The following B4GALT3 variants were observed in gnomAD, a reference collection of about 807,000 sequenced individuals.
B4GALT3 encodes the protein N-acetyllactosamine synthase.
Under a neutral mutation model 40.7 loss-of-function variants are expected in B4GALT3, and 29 were observed. The observed-to-expected ratio is 0.71, with a 90% CI of 0.53 to 0.97. The LOEUF is 0.97. B4GALT3 is among the 50% of genes least tolerant of loss of function. The probability of loss-of-function intolerance (pLI) is 0.00; values close to 1 mark genes in which losing one functional copy is unlikely to be tolerated. For missense variants in B4GALT3, 390 were observed against 522.3 expected (o/e 0.75, Z 2.47); for synonymous variants, 182 against 203.9 (o/e 0.89, Z 0.92).
At position 161,175,172 on chromosome 1, in the gene B4GALT3, G is replaced by C; in HGVS notation, c.310C>G (p.Arg104Gly). ...PVPSLAEIVE[R>G]NPRVEPGGRY... ...CCCCCTGGTTCTACCCGGGGATTCCGCTCCACAATCTCTGCCAGTGATGGC... is the reference window on the plus strand; with the variant it reads ...CCCCCTGGTTCTACCCGGGGATTCCCCTCCACAATCTCTGCCAGTGATGGC... The change falls in exon 4 of 8, where the codon CGG becomes GGG. Residue 104 changes from arginine (R) to glycine (G), a missense_variant. Arg to Gly is a moderately radical substitution (Grantham distance 125, BLOSUM62 -2). Transcript: ENST00000319769. 6.2e-7 allele frequency: 1 copy of C among 1,613,646 alleles called. No homozygotes were observed. Among genetic ancestry groups the C allele is most frequent in the Non-Finnish European group, 8.5e-7 (1 of 1,179,866 alleles).
In B4GALT3 at chr1:161,171,556, G is replaced by A; in HGVS notation, c.*260C>T. The A allele has an allele frequency of 1.7e-6, 1 of 595,544 alleles. No individual in the cohort carries two copies. The highest frequency in any genetic ancestry group is 2.9e-5 in the East Asian group (1 of 34,472). The allele number at this position is 595,544 out of a possible 1,614,324, so 36.9% of individuals were successfully genotyped here. ...GCCCTGCTCCTACTCTAGGGGCAGGGACTCCTAGGAATCGTCACATAAAAT... is the reference window on the plus strand; with the variant it reads ...GCCCTGCTCCTACTCTAGGGGCAGGAACTCCTAGGAATCGTCACATAAAAT... On this transcript the variant is annotated 3_prime_UTR_variant, in exon 8 of 8. Coordinates refer to ENST00000319769, the MANE Select transcript of B4GALT3 (RefSeq NM_003779.4).
At position 161,171,766 on chromosome 1, in the gene B4GALT3, T is replaced by TACA. The variant is rs775163116; in HGVS notation, c.*47_*49dup. On this transcript the variant is annotated 3_prime_UTR_variant, in exon 8 of 8. Transcript: ENST00000319769. The stretch of plus-strand genomic sequence containing the variant: ...AGTGAGGAGCTGAGGGTGGGGAGAA[T>TACA]ACAACCCCATGAATTCGGTTTCATG... 2 of 1,599,696 alleles carry TACA rather than the reference T, an allele frequency of 1.3e-6. No individual in the cohort carries two copies. Among genetic ancestry groups the TACA allele is most frequent in the South Asian group, 2.2e-5 (2 of 90,022 alleles).
chr1:161,175,196 G>T lies in B4GALT3; in HGVS notation c.286C>A (p.Pro96Thr). The change falls in exon 4 of 8, where the codon CCA becomes ACA. Residue 96 changes from proline (P) to threonine (T), a missense_variant. This residue lies in a region of B4GALT3 where 183 missense variants were observed against 223.2 expected (regional missense o/e 0.82). Transcript: ENST00000319769. ...GPVSVSFSPV[P>T]SLAEIVERNP... The stretch of plus-strand genomic sequence containing the variant: ...CGCTCCACAATCTCTGCCAGTGATG[G>T]CACTGGGCTAAAGGACACCGACACA... 1 of 1,613,758 alleles carries T rather than the reference G, an allele frequency of 6.2e-7. No homozygotes were observed. Among genetic ancestry groups the T allele is most frequent in the South Asian group, 1.1e-5 (1 of 91,050 alleles).
intron 3 of B4GALT3, among the ~76,000 whole-genome samples, 196 bp downstream of exon 3, chr1:161,175,612 T>G (rs774681344): frequency 7.9e-5 from 12 of 151,862 alleles, no homozygotes; most frequent in Non-Finnish European, 1.8e-4. Context: ...AACCCAATAG[T>G]CTAATCTAAA....
rs928088501 is a variant in B4GALT3, at chr1:161,175,221, A to C, written c.261T>G (p.Pro87=). Residue 87 remains proline, a synonymous_variant, in exon 4 of 8, where the codon CCT becomes CCG. Coordinates refer to ENST00000319769, the MANE Select transcript of B4GALT3 (RefSeq NM_003779.4). ...GCACTGGGCTAAAGGACACCGACAC[A>C]GGACCCACTGTTGGGAAGGAATGGC... ...CPERSPLLVG[P]VSVSFSPVPS... 6.2e-7 allele frequency: 1 copy of C among 1,612,328 alleles called. No individual in the cohort carries two copies. Among genetic ancestry groups the C allele is most frequent in the Non-Finnish European group, 8.5e-7 (1 of 1,179,330 alleles).
In B4GALT3 at chr1:161,171,851, T is replaced by C. The variant is rs778200053; in HGVS notation, c.1147A>G (p.Thr383Ala). Residue 383 changes from threonine (T) to alanine (A), a missense_variant, in exon 8 of 8, where the codon ACT (threonine) becomes GCT (alanine). Transcript: ENST00000319769. Reference sequence around the variant, plus strand: ...CCTCGGAGGGCTGTGTGGTTGGCAGTAGATAGAGGCCCAGGCCTGGCTGGG... The same window carrying C: ...CCTCGGAGGGCTGTGTGGTTGGCAGCAGATAGAGGCCCAGGCCTGGCTGGG... ...RPPARPGPLS[T>A]ANHTALRGSH 2.7e-5 allele frequency: 44 copies of C among 1,613,864 alleles called. No individual in the cohort carries two copies. The highest frequency in any genetic ancestry group is 6.6e-5 in the South Asian group (6 of 91,082).
rs780026921 is a variant in B4GALT3, at chr1:161,173,706, G to A, written c.702C>T (p.Phe234=). ...FGYSLPYPQY[F]GGVSALTPDQ... Reference sequence around the variant, plus strand: ...CAGGAGTAAGTGCTGAGACTCCTCCGAAGTACTGGGGGTACGGGAGGCTAG... The same window carrying A: ...CAGGAGTAAGTGCTGAGACTCCTCCAAAGTACTGGGGGTACGGGAGGCTAG... The change falls in exon 6 of 8, where the codon TTC becomes TTT. Residue 234 remains phenylalanine (F), a synonymous_variant. Coordinates refer to ENST00000319769, the MANE Select transcript of B4GALT3 (RefSeq NM_003779.4). The A allele has an allele frequency of 1.4e-5, 23 of 1,614,014 alleles. No individual in the cohort carries two copies. Among genetic ancestry groups the A allele is most frequent in the Non-Finnish European group, 1.9e-5 (22 of 1,180,038 alleles).
chr1:161,172,885 AC>A (rs1193266379), intron 6 of B4GALT3, among the ~76,000 whole-genome samples: 5 of 151,768 alleles, frequency 3.3e-5, no homozygotes, highest in Non-Finnish European at 7.4e-5. Flanking sequence ...AAAAAAAAAA[AC>A]GAAAGAAAGA....
rs976733732 is a variant in B4GALT3 at position 161,176,076 on chromosome 1, T to C, written c.-14-2A>G. On this transcript the variant is annotated splice_acceptor_variant, in intron 2 of 7. Transcript: ENST00000319769. LOFTEE classifies it low-confidence loss of function (5UTR_SPLICE). ...TCCGCAACATCCTGGGGGTGAGATC[T>C]AGGGAGGGAGAGGGGAATTCTGGGG... 3.7e-6 allele frequency: 6 copies of C among 1,612,406 alleles called. No homozygotes were observed. Among genetic ancestry groups the C allele is most frequent in the Admixed American group, 3.3e-5 (2 of 59,944 alleles).
chr1:161,177,145 G>A lies in B4GALT3; in HGVS notation c.-161+278C>T, dbSNP rs1010372953. On this transcript the variant is annotated intron_variant, in intron 1 of 7. Transcript: ENST00000319769. ...GAGAGGGAGAGCAGGGGCAGAGACA[G>A]TCAGGGGTGGCTGGAAGGGCTCACC... The A allele has an allele frequency of 1.0e-5, 15 of 1,435,984 alleles. No individual in the cohort carries two copies. The Admixed American group carries it at 1.8e-4, about 18-fold the overall frequency. 89.0% of individuals were successfully genotyped at this position (1,435,984 alleles called of 1,614,324 possible). A position where few individuals can be genotyped will look rare whatever the true frequency, so the allele number is the denominator to read the frequency against.
chr1:161,171,676 G>T lies in B4GALT3; in HGVS notation c.*140C>A. 1 of 1,234,530 alleles carries T rather than the reference G, an allele frequency of 8.1e-7. No individual in the cohort carries two copies. The highest frequency in any genetic ancestry group is 1.1e-6 in the Non-Finnish European group (1 of 894,638). 76.5% of individuals were successfully genotyped at this position (1,234,530 alleles called of 1,614,324 possible). ...AGGAGCCCAGCTCCAGTCCAGCAGT[G>T]AGGGAGAGGCCCCTACCCCCTAGCA... is the stretch of plus-strand genomic sequence containing the variant. On this transcript the variant is annotated 3_prime_UTR_variant, in exon 8 of 8. Coordinates refer to ENST00000319769, the MANE Select transcript of B4GALT3 (RefSeq NM_003779.4).
Position 161,171,833 on chromosome 1 carries a change from G to A in B4GALT3, c.1165C>T (p.Leu389Phe), listed in dbSNP as rs757954359. The A allele has an allele frequency of 1.2e-6, 2 of 1,614,136 alleles. No individual in the cohort carries two copies. The highest frequency in any genetic ancestry group is 1.1e-5 in the South Asian group (1 of 91,082). The stretch of plus-strand genomic sequence containing the variant: ...AGGAGGAGTCAGTGTGAACCTCGGA[G>A]GGCTGTGTGGTTGGCAGTAGATAGA... ...GPLSTANHTA[L>F]RGSH Residue 389 changes from leucine (L) to phenylalanine (F), a missense_variant, in exon 8 of 8, where the codon CTC becomes TTC. This residue lies in a region of B4GALT3 where 72 missense variants were observed against 71.3 expected (regional missense o/e 1.01). Transcript: ENST00000319769.
chr1:161,172,169 G>A, intron 7 of B4GALT3, 58 bp downstream of exon 7: 9 of 1,611,926 alleles, frequency 5.6e-6, no homozygotes, highest in Non-Finnish European at 5.9e-6. Context: ...TCCTGGCTAG[G>A]GGTACAGAAC....
intron 3 of B4GALT3, among the ~76,000 whole-genome samples, chr1:161,175,477 G>A (rs1156931365): frequency 6.6e-6 from 1 of 152,082 alleles, no homozygotes; most frequent in Non-Finnish European, 1.5e-5. Flanking sequence ...GTCTTACAGG[G>A]TTGGAAGCTA....
In B4GALT3 at chr1:161,172,343, G is replaced by C; in HGVS notation, c.804-12C>G. 1.2e-6 allele frequency: 2 copies of C among 1,611,172 alleles called. No individual in the cohort carries two copies. Among genetic ancestry groups the C allele is most frequent in the South Asian group, 1.1e-5 (1 of 90,854 alleles). On this transcript the variant is annotated splice_polypyrimidine_tract_variant and intron_variant, in intron 6 of 7. Transcript: ENST00000319769. The stretch of plus-strand genomic sequence containing the variant: ...CAGCCAGGCGCACCCTATGGGAAAA[G>C]TGAGGGTATCATGGGGGATCCAGAG...
chr1:161,172,181 C>G (rs377190536), intron 7 of B4GALT3, 46 bp downstream of exon 7: 168 of 1,612,858 alleles, frequency 1.0e-4, no homozygotes, highest in Middle Eastern at 1.6e-4. Context: ...GTACAGAACC[C>G]TGAGGATCCA....
At position 161,175,118 on chromosome 1, in the gene B4GALT3, G is replaced by T. The variant is rs202068319; in HGVS notation, c.364C>A (p.Arg122Ser). 12 of 1,613,978 alleles carry T rather than the reference G, an allele frequency of 7.4e-6. No homozygotes were observed. Among genetic ancestry groups the T allele is most frequent in the Non-Finnish European group, 9.3e-6 (11 of 1,179,864 alleles). The part of the protein sequence containing the change: ...GRYRPAGCEP[R>S]SRTAIIVPHR... The stretch of plus-strand genomic sequence containing the variant: ...GGCACAATGATGGCTGTTCGGGAGC[G>T]GGGCTCACAACCTGCAGGGCGGTAC... Residue 122 changes from arginine to serine, a missense_variant, in exon 4 of 8, where the codon CGC becomes AGC. Arg to Ser is a moderately radical substitution (Grantham distance 110, BLOSUM62 -1). Coordinates refer to ENST00000319769, the MANE Select transcript of B4GALT3 (RefSeq NM_003779.4).
Position 161,172,078 on chromosome 1 carries a change from A to AG in B4GALT3, c.919dup (p.Leu307ProfsTer39). The stretch of plus-strand genomic sequence containing the variant: ...CGTCCAGGAATTCTGGGTACGGACC[A>AG]GGAGGTCAAATCTGAGGGTTAGAGG... On this transcript the variant is annotated frameshift_variant, in exon 8 of 8. Transcript: ENST00000319769. LOFTEE classifies it high-confidence loss of function. 1 of 1,614,196 alleles carries AG rather than the reference A, an allele frequency of 6.2e-7. No individual in the cohort carries two copies. The highest frequency in any genetic ancestry group is 8.5e-7 in the Non-Finnish European group (1 of 1,180,024).
At chr1:161,176,601 A>G (rs900560480) in intron 1 of B4GALT3, 22 bp from the exon 2 acceptor site, 7 of 544,172 alleles carry the variant, frequency 1.3e-5, no homozygotes, top group Non-Finnish European at 2.3e-5. Flanking sequence ...GTGGTAAAGG[A>G]TAACTAGCTA....
Sources: allele counts gnomAD v4.1 joint callset (sites outside exome capture counted in the v4.1 genomes callset), GRCh38; gene constraint gnomAD v4.1.1; regional missense constraint gnomAD v4.1.1; transcripts MANE v1.5; gene names NCBI Gene and HGNC (gene_info 2026-07-23, HGNC 2026-07-21).